The following GALNT8 variants were observed in gnomAD, a reference collection of about 807,000 sequenced individuals.
The protein encoded by GALNT8 is probable polypeptide N-acetylgalactosaminyltransferase 8.
A neutral mutation model predicts 62.7 loss-of-function variants in GALNT8; 66 were observed. The ratio of observed to expected loss-of-function variants is 1.05; its 90% confidence interval spans 0.86 to 1.29. The LOEUF (loss-of-function observed/expected upper bound fraction) is 1.29. GALNT8 is among the 50% of genes most tolerant of loss of function. The probability of loss-of-function intolerance (pLI) is 0.00; values close to 1 mark genes in which losing one functional copy is unlikely to be tolerated. For synonymous variants in GALNT8, 288 were observed against 294.3 expected (o/e 0.98, Z 0.22); for missense variants, 771 against 791.8 (o/e 0.97, Z 0.32).
intron 10 of GALNT8, among the ~76,000 whole-genome samples, chr12:4,770,723 A>C (rs1198035804): frequency 6.6e-6 from 1 of 152,164 alleles, no homozygotes; most frequent in Non-Finnish European, 1.5e-5. Flanking sequence ...AATGCCCAGC[A>C]CTCAAACACG....
chr12:4,740,663 G>C (rs546006234), intron 3 of GALNT8, among the ~76,000 whole-genome samples: 4 of 152,152 alleles, frequency 2.6e-5, no homozygotes, highest in African/African-American at 9.6e-5. Flanking sequence ...ATCTCAGATG[G>C]TTTGCCTGCC....
intron 6 of GALNT8, among the ~76,000 whole-genome samples, chr12:4,759,671 A>AGTT (rs1414619160): frequency 1.3e-5 from 2 of 152,070 alleles, no homozygotes; most frequent in Admixed American, 6.6e-5. Flanking sequence ...CTGACTACTC[A>AGTT]GTTGGACACT....
At chr12:4,723,595 G>A (rs1946180712) in intron 1 of GALNT8, among the ~76,000 whole-genome samples, 3 of 152,112 alleles carry the variant, frequency 2.0e-5, no homozygotes, top group Admixed American at 2.0e-4. Flanking sequence ...AGAGCCATCT[G>A]GTTTACTCCT....
rs746213930 is a variant in GALNT8 at position 4,726,668 on chromosome 12, GA to G, written c.351del (p.Lys117AsnfsTer74). On this transcript the variant is annotated frameshift_variant, in exon 2 of 11. Transcript: ENST00000252318. LOFTEE classifies it high-confidence loss of function. This position sits in a 1 kb window ranked among gnomAD's most constrained non-coding sequence, Gnocchi z 4.1. ...NETKKHKTQM[K>X]LFPHSQLFRQ... The stretch of plus-strand genomic sequence containing the variant: ...AGACAAAGAAGCACAAAACCCAAAT[GA>G]AACTCTTCCCACACTCACAGCTTTT... 1.2e-6 allele frequency: 2 copies of G among 1,613,872 alleles called. No homozygotes were observed. The highest frequency in any genetic ancestry group is 4.5e-5 in the East Asian group (2 of 44,870).
Position 4,765,530 on chromosome 12 carries a change from AT to A in GALNT8, c.1747del (p.Trp583GlyfsTer10). On this transcript the variant is annotated frameshift_variant, in exon 10 of 11. Transcript: ENST00000252318. LOFTEE classifies it low-confidence loss of function (END_TRUNC). ...GCAGCTAAGAATAGACTGCATATAT[AT>A]TGGGATTTTAAACCGGTGAGTTATG... ...SKAAKNRLHI[Y>X]WDFKPGGAVI... The A allele has an allele frequency of 6.2e-7, 1 of 1,600,550 alleles. No homozygotes were observed. The highest frequency in any genetic ancestry group is 8.5e-7 in the Non-Finnish European group (1 of 1,176,264).
chr12:4,771,110 A>G (rs1401368766), intron 10 of GALNT8, among the ~76,000 whole-genome samples: 2 of 152,064 alleles, frequency 1.3e-5, no homozygotes, highest in African/African-American at 2.4e-5. Flanking sequence ...TGTTCTTGAC[A>G]TTTAGTTAAA....
At chr12:4,756,471 A>G (rs994621165) in intron 6 of GALNT8, among the ~76,000 whole-genome samples, 4 of 152,184 alleles carry the variant, frequency 2.6e-5, no homozygotes, top group Non-Finnish European at 5.9e-5. Flanking sequence ...AAAAATGACA[A>G]TAATAAGAAT....
At position 4,764,048 on chromosome 12, in the gene GALNT8, G is replaced by T; in HGVS notation, c.1593+1G>T. On this transcript the variant is annotated splice_donor_variant, in intron 9 of 10. Transcript: ENST00000252318. LOFTEE classifies it high-confidence loss of function. ...TTACTGCCATGAATTCAGCTCACAG[G>T]TATCTTCCACAATCTTCCTGGCCCT... 1.3e-6 allele frequency: 2 copies of T among 1,516,476 alleles called. No individual in the cohort carries two copies. Among genetic ancestry groups the T allele is most frequent in the African/African-American group, 1.4e-5 (1 of 73,300 alleles). 93.9% of individuals were successfully genotyped at this position (1,516,476 alleles called of 1,614,324 possible). A position where few individuals can be genotyped will look rare whatever the true frequency, so the allele number is the denominator to read the frequency against.
At chr12:4,759,537 C>G (rs1298091642) in intron 6 of GALNT8, among the ~76,000 whole-genome samples, 3 of 151,202 alleles carry the variant, frequency 2.0e-5, no homozygotes, top group Non-Finnish European at 4.4e-5. Flanking sequence ...GATTTCAAAG[C>G]CTTGCTTTTT....
intron 10 of GALNT8, chr12:4,768,339 A>G: frequency 3.3e-6 from 1 of 300,398 alleles, no homozygotes; most frequent in South Asian, 3.4e-5. Context: ...ACCTCGTAAG[A>G]ATTAAAGATA....
chr12:4,758,856 A>G (rs1946359088), intron 6 of GALNT8, among the ~76,000 whole-genome samples: 1 of 151,508 alleles, frequency 6.6e-6, no homozygotes. Flanking sequence ...GGCTCATTGC[A>G]ACCTCCACCT....
chr12:4,764,648 A>G (rs930276181), intron 9 of GALNT8, among the ~76,000 whole-genome samples: 90 of 145,428 alleles, frequency 6.2e-4, no homozygotes, highest in Non-Finnish European at 7.3e-4. Context: ...GGTTCACGGC[A>G]TTCTCCTGCC....
chr12:4,770,325 A>C (rs1946417981), intron 10 of GALNT8, among the ~76,000 whole-genome samples: 2 of 151,762 alleles, frequency 1.3e-5, no homozygotes, highest in African/African-American at 2.4e-5. Context: ...AAAAACAAAA[A>C]ACAAACAACA....
chr12:4,755,281 C>T (rs1375924042), intron 6 of GALNT8, among the ~76,000 whole-genome samples: 2 of 152,248 alleles, frequency 1.3e-5, no homozygotes, highest in Non-Finnish European at 2.9e-5. Context: ...CTTCTGGGAT[C>T]AGTGATTTCC....
Position 4,760,844 on chromosome 12 carries a change from A to G in GALNT8, c.1174-114A>G, listed in dbSNP as rs1363449701. The G allele has an allele frequency of 2.4e-5, 19 of 782,570 alleles. No homozygotes were observed. In the Admixed American group the frequency reaches 4.2e-4, roughly 17 times the overall value. 48.5% of individuals were successfully genotyped at this position (782,570 alleles called of 1,614,324 possible). On this transcript the variant is annotated intron_variant, in intron 6 of 10. Coordinates refer to ENST00000252318, the MANE Select transcript of GALNT8 (RefSeq NM_017417.2). ...GAGGCAATATAAAGGCAGGAGTGGG[A>G]GGACTGAGCTTACATTCTTTAAAAA...
At chr12:4,740,485 G>A (rs774575332) in intron 3 of GALNT8, among the ~76,000 whole-genome samples, 1 of 150,688 alleles carries the variant, frequency 6.6e-6, no homozygotes, top group African/African-American at 2.4e-5. Context: ...GTGCAGTGGT[G>A]GGATCTCAGC....
chr12:4,721,017 T>C (rs1591561488), intron 1 of GALNT8, 129 bp downstream of exon 1: 1 of 647,790 alleles, frequency 1.5e-6, no homozygotes, highest in East Asian at 2.7e-5. Context: ...CATTGAAGCA[T>C]CTGACACTGA....
chr12:4,761,203 G>A (rs1946371248), intron 7 of GALNT8, 60 bp downstream of exon 7: 1 of 1,436,380 alleles, frequency 7.0e-7, no homozygotes. Flanking sequence ...TGGCGGTTAT[G>A]TAATGGGGAG....
intron 10 of GALNT8, among the ~76,000 whole-genome samples, chr12:4,766,031 A>G (rs1946398486): frequency 6.6e-6 from 1 of 152,188 alleles, no homozygotes; most frequent in African/African-American, 2.4e-5. Context: ...TCAGCCTCCC[A>G]AAGCGCTGGG....
Sources: gnomAD v4.1 joint callset for allele counts (sites outside exome capture counted in the v4.1 genomes callset) on GRCh38, gnomAD v4.1.1 for gene constraint, Gnocchi (gnomAD v3.1) non-coding constraint, MANE v1.5 for transcripts, NCBI Gene and HGNC (gene_info 2026-07-23, HGNC 2026-07-21) for gene names.